KIRREL3: variants seen among roughly 807,000 people sequenced by gnomAD.
KIRREL3 encodes the protein kirre like nephrin family adhesion molecule 3, also known as kin of IRRE-like protein 3.
KIRREL3 carries 36 observed loss-of-function variants against 89.7 expected under a neutral mutation model. The observed-to-expected ratio is 0.40, with a 90% CI of 0.31 to 0.53. The LOEUF (loss-of-function observed/expected upper bound fraction) is 0.53. Among genes scored for constraint, KIRREL3 ranks in the 20% least tolerant of loss-of-function variants. KIRREL3 has a pLI of 0.49. For synonymous variants in KIRREL3, 445 were observed against 441.4 expected (o/e 1.01, Z -0.10); for missense variants, 864 against 1,056.6 (o/e 0.82, Z 2.53).
rs1411563010 is a variant in KIRREL3, at chr11:126,531,850, G to A, written c.134-5163C>T. ...TGTTCCCAGCTGTGGGTGAGCACCG[G>A]TTACACGTCTGTCACATGTGCCTTT... On this transcript the variant is annotated intron_variant, in intron 2 of 16. Coordinates refer to ENST00000525144, the MANE Select transcript of KIRREL3 (RefSeq NM_032531.4). The surrounding 1 kb of genome is among the most constrained non-coding windows in gnomAD (Gnocchi z 4.7). Among the ~76,000 whole-genome samples the A allele has an allele frequency of 6.6e-6, 1 of 152,198 alleles. No individual in the cohort carries two copies. The highest frequency in any genetic ancestry group is 1.5e-5 in the Non-Finnish European group (1 of 68,040).
intron 1 of KIRREL3, among the ~76,000 whole-genome samples, chr11:126,800,433 C>G (rs1297036639): frequency 6.6e-6 from 1 of 152,116 alleles, no homozygotes; most frequent in African/African-American, 2.4e-5. Flanking sequence ...GCTACAGAAA[C>G]GGTCTCATTA....
rs1940352750 is a variant in KIRREL3, at chr11:126,564,294, G to T, written c.56-1382C>A. Among the ~76,000 whole-genome samples the T allele has an allele frequency of 6.6e-6, 1 of 152,170 alleles. No individual in the cohort carries two copies. Among genetic ancestry groups the T allele is most frequent in the African/African-American group, 2.4e-5 (1 of 41,426 alleles). On this transcript the variant is annotated intron_variant, in intron 1 of 16. Coordinates refer to ENST00000525144, the MANE Select transcript of KIRREL3 (RefSeq NM_032531.4). This position sits in a 1 kb window ranked among gnomAD's most constrained non-coding sequence, Gnocchi z 7.4. ...CTTTCTCCTCTTCCATCCACCGTCTGCAGCCCAGGTCCACCCACCAAGCAT... is the reference window on the plus strand; with the variant it reads ...CTTTCTCCTCTTCCATCCACCGTCTTCAGCCCAGGTCCACCCACCAAGCAT...
intron 4 of KIRREL3, among the ~76,000 whole-genome samples, chr11:126,479,392 A>G (rs1239496079): frequency 6.6e-6 from 1 of 152,048 alleles, no homozygotes; most frequent in Admixed American, 6.5e-5. Context: ...GAAGCCATAC[A>G]CGGCCTGCCA....
At chr11:126,922,480 C>T (rs958428241) in intron 1 of KIRREL3, among the ~76,000 whole-genome samples, 4 of 152,138 alleles carry the variant, frequency 2.6e-5, no homozygotes, top group African/African-American at 9.7e-5. Context: ...TGTGCCTGAT[C>T]TGTGCCCACC....
rs1946729813 is a variant in KIRREL3, at chr11:126,687,960, G to T, written c.56-125048C>A. On this transcript the variant is annotated intron_variant, in intron 1 of 16. Transcript: ENST00000525144. The surrounding 1 kb of genome is among the most constrained non-coding windows in gnomAD (Gnocchi z 4.6). ...AATAAAGGGCTGTAGGTGTATCAAA[G>T]GTATTCCAGTGCCAGTTAAATTTGA... Among the ~76,000 whole-genome samples, 1 of 152,228 alleles carries T rather than the reference G, an allele frequency of 6.6e-6. No homozygotes were observed. Among genetic ancestry groups the T allele is most frequent in the South Asian group, 2.1e-4 (1 of 4,836 alleles).
intron 7 of KIRREL3, among the ~76,000 whole-genome samples, chr11:126,450,252 TGA>T (rs879544758): frequency 2.0e-5 from 3 of 150,944 alleles, no homozygotes; most frequent in East Asian, 1.9e-4. Flanking sequence ...TATGCATGTG[TGA>T]GTGTGCCTGT....
intron 5 of KIRREL3, among the ~76,000 whole-genome samples, chr11:126,464,203 C>G (rs1257465231): frequency 1.3e-5 from 2 of 151,924 alleles, no homozygotes; most frequent in Non-Finnish European, 2.9e-5. Flanking sequence ...TGACTGGTGT[C>G]CTTGGAAGAA....
At chr11:126,916,598 G>C (rs2134945830) in intron 1 of KIRREL3, among the ~76,000 whole-genome samples, 1 of 152,234 alleles carries the variant, frequency 6.6e-6, no homozygotes, top group Non-Finnish European at 1.5e-5. Context: ...GCCAGGCTGT[G>C]TGATTTAACT....
chr11:126,528,879 C>T lies in KIRREL3; in HGVS notation c.134-2192G>A, dbSNP rs538198260. Among the ~76,000 whole-genome samples the T allele has an allele frequency of 6.6e-6, 1 of 151,702 alleles. No homozygotes were observed. The highest frequency in any genetic ancestry group is 2.4e-5 in the African/African-American group (1 of 41,326). The stretch of plus-strand genomic sequence containing the variant: ...AGAGGGAGGGGGTGGGTGGAAAGGA[C>T]TCCTTCTCTGGCTCCTTTTACTCTA... On this transcript the variant is annotated intron_variant, in intron 2 of 16. Coordinates refer to ENST00000525144, the MANE Select transcript of KIRREL3 (RefSeq NM_032531.4). The surrounding 1 kb of genome is among the most constrained non-coding windows in gnomAD (Gnocchi z 4.6).
intron 1 of KIRREL3, among the ~76,000 whole-genome samples, chr11:126,580,429 G>T (rs760305803): frequency 2.6e-5 from 4 of 152,166 alleles, no homozygotes; most frequent in Non-Finnish European, 5.9e-5. Flanking sequence ...CATTCTAGGA[G>T]GAGGAATGGC....
At chr11:126,499,929 C>A (rs1177686675) in intron 4 of KIRREL3, among the ~76,000 whole-genome samples, 1 of 152,156 alleles carries the variant, frequency 6.6e-6, no homozygotes, top group East Asian at 1.9e-4. Context: ...TCCTTGAGGG[C>A]ACAGAGGGCA....
rs746057433 is a variant in KIRREL3 at position 126,995,181 on chromosome 11, C to G, written c.55+5274G>C. The stretch of plus-strand genomic sequence containing the variant: ...ATATGAAATCCAAGGGAACTGTTAG[C>G]CCCCCAGAGCAGCTGCTCCCACCGA... On this transcript the variant is annotated intron_variant, in intron 1 of 16. Transcript: ENST00000525144. The surrounding 1 kb of genome is among the most constrained non-coding windows in gnomAD (Gnocchi z 6.5). 1 of 455,912 alleles carries G rather than the reference C, an allele frequency of 2.2e-6. No individual in the cohort carries two copies. Among genetic ancestry groups the G allele is most frequent in the East Asian group, 7.0e-5 (1 of 14,368 alleles). The allele number at this position is 455,912 out of a possible 1,614,324, so 28.2% of individuals were successfully genotyped here. A position where few individuals can be genotyped will look rare whatever the true frequency, so the allele number is the denominator to read the frequency against.
intron 1 of KIRREL3, among the ~76,000 whole-genome samples, chr11:126,714,843 T>C (rs1486467192): frequency 6.6e-6 from 1 of 152,180 alleles, no homozygotes; most frequent in Admixed American, 6.5e-5. Flanking sequence ...ATGTGGGATA[T>C]CCCTGAGCTG....
At chr11:126,826,882 G>C (rs2134470661) in intron 1 of KIRREL3, among the ~76,000 whole-genome samples, 1 of 152,316 alleles carries the variant, frequency 6.6e-6, no homozygotes, top group African/African-American at 2.4e-5. Context: ...TCTGACTCTA[G>C]AGTCTCTCCT....
Position 126,610,744 on chromosome 11 carries a change from C to G in KIRREL3, c.56-47832G>C, listed in dbSNP as rs1206134484. 1 of 152,198 alleles carries G rather than the reference C, an allele frequency of 6.6e-6. No individual in the cohort carries two copies. Among genetic ancestry groups the G allele is most frequent in the Admixed American group, 6.5e-5 (1 of 15,274 alleles). The allele number at this position is 152,198 out of a possible 1,614,324, so 9.4% of individuals were successfully genotyped here. ...TCCCTGGGATCTCTTGGAGGGCTCT[C>G]CATCTCTCTTAGAGCAGTTTCTTTC... On this transcript the variant is annotated intron_variant, in intron 1 of 16. Transcript: ENST00000525144. This position sits in a 1 kb window ranked among gnomAD's most constrained non-coding sequence, Gnocchi z 4.6.
intron 1 of KIRREL3, among the ~76,000 whole-genome samples, chr11:126,840,823 T>C (rs1384145459): frequency 2.0e-5 from 3 of 152,176 alleles, no homozygotes; most frequent in Admixed American, 6.5e-5. Flanking sequence ...GTAACTTTTA[T>C]TTTACCTAAT....
chr11:126,488,700 C>G (rs993539146), intron 4 of KIRREL3, among the ~76,000 whole-genome samples: 2 of 152,220 alleles, frequency 1.3e-5, no homozygotes, highest in African/African-American at 4.8e-5. Flanking sequence ...CCACACCCTC[C>G]CACCACCCAT....
rs1431402038 is a variant in KIRREL3 at position 126,668,529 on chromosome 11, G to A, written c.56-105617C>T. On this transcript the variant is annotated intron_variant, in intron 1 of 16. Coordinates refer to ENST00000525144, the MANE Select transcript of KIRREL3 (RefSeq NM_032531.4). The surrounding 1 kb of genome is among the most constrained non-coding windows in gnomAD (Gnocchi z 4.4). ...TTAGGGAGCTGCCCCTGGGGAAGAG[G>A]AGCCCTGTCAACTGCACCCGGAATG... 2.0e-5 allele frequency among the ~76,000 whole-genome samples: 3 copies of A among 152,074 alleles called. No individual in the cohort carries two copies. The highest frequency in any genetic ancestry group is 4.4e-5 in the Non-Finnish European group (3 of 68,010).
chr11:126,537,878 G>T lies in KIRREL3; in HGVS notation c.134-11191C>A, dbSNP rs1338883216. On this transcript the variant is annotated intron_variant, in intron 2 of 16. Coordinates refer to ENST00000525144, the MANE Select transcript of KIRREL3 (RefSeq NM_032531.4). This position sits in a 1 kb window ranked among gnomAD's most constrained non-coding sequence, Gnocchi z 4.3. Reference sequence around the variant, plus strand: ...GGGACTGTTAAAACAGGAGCCAGAGGAGCACCTGTCTTGCGGAGTCCCAGA... The same window carrying T: ...GGGACTGTTAAAACAGGAGCCAGAGTAGCACCTGTCTTGCGGAGTCCCAGA... Among the ~76,000 whole-genome samples, 2 of 152,006 alleles carry T rather than the reference G, an allele frequency of 1.3e-5. No homozygotes were observed. The highest frequency in any genetic ancestry group is 2.9e-5 in the Non-Finnish European group (2 of 67,982).
Sources: allele counts gnomAD v4.1 joint callset (sites outside exome capture counted in the v4.1 genomes callset), GRCh38; gene constraint gnomAD v4.1.1; non-coding constraint Gnocchi (gnomAD v3.1); transcripts MANE v1.5; gene names NCBI Gene and HGNC (gene_info 2026-07-23, HGNC 2026-07-21).